The following CRTAP variants were observed in gnomAD, a reference collection of about 807,000 sequenced individuals.
The protein encoded by CRTAP is cartilage-associated protein.
Under a neutral mutation model 42.7 loss-of-function variants are expected in CRTAP, and 33 were observed. The ratio of observed to expected loss-of-function variants is 0.77; its 90% CI spans 0.59 to 1.03. CRTAP has a LOEUF of 1.03. Ranked by LOEUF, CRTAP falls within the 50% of genes least tolerant of loss-of-function variation. CRTAP has a pLI of 0.00. For missense variants in CRTAP, 613 were observed against 533.9 expected (o/e 1.15, Z -1.46); for synonymous variants, 243 against 217.7 (o/e 1.12, Z -1.02).
At chr3:33,140,677 T>C (rs573413330) in intron 6 of CRTAP, among the ~76,000 whole-genome samples, 1 of 152,338 alleles carries the variant, frequency 6.6e-6, no homozygotes, top group Admixed American at 6.5e-5. Flanking sequence ...CAGAAACTTT[T>C]TAAAACAGGC....
At position 33,147,140 on chromosome 3, in the gene CRTAP, A is replaced by C. The variant is rs1553618463; in HGVS notation, c.*4692A>C. 2.6e-5 allele frequency: 4 copies of C among 152,766 alleles called. No individual in the cohort carries two copies. In the South Asian group the frequency reaches 6.2e-4, roughly 24 times the overall value. 9.5% of individuals were successfully genotyped at this position (152,766 alleles called of 1,614,324 possible). A position where few individuals can be genotyped will look rare whatever the true frequency, so the allele number is the denominator to read the frequency against. ...CTAGTGTGGAGAGTTTAAACTATGT[A>C]CAAGGGAGGAAAGAAAAAAAGGAAA... On this transcript the variant is annotated 3_prime_UTR_variant, in exon 7 of 7. Transcript: ENST00000320954.
intron 2 of CRTAP, among the ~76,000 whole-genome samples, chr3:33,123,616 C>T (rs1475292810): frequency 7.1e-6 from 1 of 140,082 alleles, no homozygotes; most frequent in Non-Finnish European, 1.5e-5. Context: ...TATAAATTAC[C>T]CAGTCTCGGT....
chr3:33,129,630 C>T (rs1195995010), intron 3 of CRTAP, among the ~76,000 whole-genome samples: 2 of 150,134 alleles, frequency 1.3e-5, no homozygotes, highest in Non-Finnish European at 3.0e-5. Flanking sequence ...CTCCACCTTC[C>T]GGGTTCACGC....
intron 6 of CRTAP, among the ~76,000 whole-genome samples, chr3:33,135,539 T>C (rs1260551508): frequency 6.6e-6 from 1 of 150,814 alleles, no homozygotes; most frequent in African/African-American, 2.4e-5. Flanking sequence ...TGAAGGAGTC[T>C]GGGGAGTTTG....
At position 33,134,243 on chromosome 3, in the gene CRTAP, A is replaced by G; in HGVS notation, c.1130A>G (p.Glu377Gly). 1 of 1,610,158 alleles carries G rather than the reference A, an allele frequency of 6.2e-7. No homozygotes were observed. The highest frequency in any genetic ancestry group is 8.5e-7 in the Non-Finnish European group (1 of 1,176,418). The change falls in exon 6 of 7, where the codon GAA (glutamate) becomes GGA (glycine). Residue 377 changes from glutamate to glycine, a missense_variant. By Grantham distance (98) the Glu-to-Gly change is moderately conservative. Coordinates refer to ENST00000320954, the MANE Select transcript of CRTAP (RefSeq NM_006371.5). The stretch of plus-strand genomic sequence containing the variant: ...AAGGAGCTGTATGACTTTGCTAAGG[A>G]AAATATAATGGATGATGATGAGGTA... Reference protein sequence around the residue: ...LQKELYDFAKENIMDDDEGEV... With the variant: ...LQKELYDFAKGNIMDDDEGEV...
Position 33,114,532 on chromosome 3 carries a change from A to C in CRTAP, c.455A>C (p.Gln152Pro). Residue 152 changes from glutamine (Q) to proline (P), a missense_variant, in exon 1 of 7, where the codon CAG becomes CCG. By Grantham distance (76) the Gln-to-Pro change is moderately conservative (BLOSUM62 -1). Coordinates refer to ENST00000320954, the MANE Select transcript of CRTAP (RefSeq NM_006371.5). ...FQRREPYKFL[Q>P]FAYFKANNLP... ...CGCCGCGAGCCCTACAAGTTCCTGC[A>C]GTTCGCTTACTTCAAGGCAAGTCCG... 1 of 1,601,740 alleles carries C rather than the reference A, an allele frequency of 6.2e-7. No individual in the cohort carries two copies.
Position 33,114,043 on chromosome 3 carries a change from C to G in CRTAP, c.-35C>G, listed in dbSNP as rs567359532. ...TCCTTCTCCCTCCCCTTTTCCCTTC[C>G]TTCGTCCCTTCCTTCCTTCCTTTCG... On this transcript the variant is annotated 5_prime_UTR_variant, in exon 1 of 7. Coordinates refer to ENST00000320954, the MANE Select transcript of CRTAP (RefSeq NM_006371.5). 1 of 1,420,706 alleles carries G rather than the reference C, an allele frequency of 7.0e-7. No individual in the cohort carries two copies. Among genetic ancestry groups the G allele is most frequent in the South Asian group, 1.4e-5 (1 of 73,896 alleles). 88.0% of individuals were successfully genotyped at this position (1,420,706 alleles called of 1,614,324 possible). A position where few individuals can be genotyped will look rare whatever the true frequency, so the allele number is the denominator to read the frequency against.
Position 33,142,709 on chromosome 3 carries a change from C to T in CRTAP, c.*261C>T. On this transcript the variant is annotated 3_prime_UTR_variant, in exon 7 of 7. Transcript: ENST00000320954. ...TCGCTCTCTTGCCCAGGCTGGAGTG[C>T]AATGGCACGTTCTCAGCTCACTGCA... 2.2e-6 allele frequency: 1 copy of T among 444,610 alleles called. No homozygotes were observed. The highest frequency in any genetic ancestry group is 2.4e-5 in the South Asian group (1 of 41,884). 27.5% of individuals were successfully genotyped at this position (444,610 alleles called of 1,614,324 possible). A position where few individuals can be genotyped will look rare whatever the true frequency, so the allele number is the denominator to read the frequency against.
In CRTAP at chr3:33,143,392, A is replaced by G. The variant is rs1043663145; in HGVS notation, c.*944A>G. ...CCCCACTTTGCATCTCCAAAATTAC[A>G]ACGGTTGGCCGATCCCATTTGAGGA... On this transcript the variant is annotated 3_prime_UTR_variant, in exon 7 of 7. Coordinates refer to ENST00000320954, the MANE Select transcript of CRTAP (RefSeq NM_006371.5). 6.6e-6 allele frequency: 1 copy of G among 152,222 alleles called. No homozygotes were observed. The highest frequency in any genetic ancestry group is 1.5e-5 in the Non-Finnish European group (1 of 68,034). 9.4% of individuals were successfully genotyped at this position (152,222 alleles called of 1,614,324 possible).
Position 33,114,513 on chromosome 3 carries a change from G to A in CRTAP, c.436G>A (p.Glu146Lys). The A allele has an allele frequency of 2.5e-6, 4 of 1,603,926 alleles. No individual in the cohort carries two copies. Among genetic ancestry groups the A allele is most frequent in the East Asian group, 2.2e-5 (1 of 44,602 alleles). ...GGTGCTGGCGGACTTCCAGCGCCGC[G>A]AGCCCTACAAGTTCCTGCAGTTCGC... ...REVLADFQRR[E>K]PYKFLQFAYF... The change falls in exon 1 of 7, where the codon GAG becomes AAG. Residue 146 changes from glutamate to lysine, a missense_variant. Physicochemically the swap from Glu to Lys is moderately conservative, Grantham distance 56. Transcript: ENST00000320954.
At chr3:33,123,635 T>G (rs1484354258) in intron 2 of CRTAP, among the ~76,000 whole-genome samples, 3 of 145,932 alleles carry the variant, frequency 2.1e-5, no homozygotes, top group African/African-American at 5.1e-5. Context: ...GTTTTTTTTT[T>G]TTTTTTTTTT....
intron 1 of CRTAP, among the ~76,000 whole-genome samples, chr3:33,118,826 A>C (rs1399750483): frequency 6.6e-6 from 1 of 152,148 alleles, no homozygotes; most frequent in Non-Finnish European, 1.5e-5. Context: ...TGCCCTCCTG[A>C]GGTCCTGCCA....
intron 5 of CRTAP, among the ~76,000 whole-genome samples, chr3:33,133,373 C>G (rs1575519004): frequency 4.0e-5 from 6 of 151,690 alleles, no homozygotes; most frequent in Admixed American, 3.9e-4. Flanking sequence ...ATTCTCTTGC[C>G]TTAGCCTCCC....
chr3:33,124,063 C>T (rs1012932069), intron 2 of CRTAP, among the ~76,000 whole-genome samples: 4 of 152,184 alleles, frequency 2.6e-5, no homozygotes, highest in African/African-American at 7.2e-5. Flanking sequence ...CACCCCTGAA[C>T]AATTTCCTCT....
At chr3:33,117,107 CA>C (rs11384013) in intron 1 of CRTAP, among the ~76,000 whole-genome samples, 20 of 151,544 alleles carry the variant, frequency 1.3e-4, no homozygotes, top group African/African-American at 4.8e-4. Flanking sequence ...ACTCTTGTGT[CA>C]AAAAAAAGTG....
rs567359532 is a variant in CRTAP, at chr3:33,114,043, C to T, written c.-35C>T. ...TCCTTCTCCCTCCCCTTTTCCCTTC[C>T]TTCGTCCCTTCCTTCCTTCCTTTCG... On this transcript the variant is annotated 5_prime_UTR_variant, in exon 1 of 7. Coordinates refer to ENST00000320954, the MANE Select transcript of CRTAP (RefSeq NM_006371.5). 191 of 1,420,706 alleles carry T rather than the reference C, an allele frequency of 1.3e-4. 5 individuals carry two copies. In the South Asian group the frequency reaches 2.3e-3, roughly 17 times the overall value. 88.0% of individuals were successfully genotyped at this position (1,420,706 alleles called of 1,614,324 possible).
In CRTAP at chr3:33,145,128, G is replaced by A. The variant is rs2030686984; in HGVS notation, c.*2680G>A. Reference sequence around the variant, plus strand: ...CCCCCAGAACACTCTACCAACCTCGGGGAACTCGGGCACATCCTTCTGTTT... The same window carrying A: ...CCCCCAGAACACTCTACCAACCTCGAGGAACTCGGGCACATCCTTCTGTTT... On this transcript the variant is annotated 3_prime_UTR_variant, in exon 7 of 7. Coordinates refer to ENST00000320954, the MANE Select transcript of CRTAP (RefSeq NM_006371.5). The surrounding 1 kb of genome is among the most constrained non-coding windows in gnomAD (Gnocchi z 4.3). 1 of 152,294 alleles carries A rather than the reference G, an allele frequency of 6.6e-6. No individual in the cohort carries two copies. The highest frequency in any genetic ancestry group is 2.4e-5 in the African/African-American group (1 of 41,410). 9.4% of individuals were successfully genotyped at this position (152,294 alleles called of 1,614,324 possible).
intron 6 of CRTAP, among the ~76,000 whole-genome samples, chr3:33,137,174 C>G (rs1322504373): frequency 6.6e-6 from 1 of 151,882 alleles, no homozygotes; most frequent in South Asian, 2.1e-4. Context: ...GAGTTTTGCT[C>G]TTGTTGCCCA....
intron 1 of CRTAP, among the ~76,000 whole-genome samples, chr3:33,114,913 A>G (rs1575513126): frequency 6.6e-6 from 1 of 152,106 alleles, no homozygotes; most frequent in Admixed American, 6.5e-5. Flanking sequence ...TGCGATAATA[A>G]AGCAGAAGAC....
Sources: allele counts gnomAD v4.1 joint callset (sites outside exome capture counted in the v4.1 genomes callset), GRCh38; gene constraint gnomAD v4.1.1; non-coding constraint Gnocchi (gnomAD v3.1); transcripts MANE v1.5; gene names NCBI Gene and HGNC (gene_info 2026-07-23, HGNC 2026-07-21).